CADM2: variants seen among roughly 807,000 people sequenced by gnomAD.
CADM2 encodes the protein immunoglobulin superfamily member 4D.
A neutral mutation model predicts 49.8 loss-of-function variants in CADM2; 12 were observed. That is an observed-to-expected ratio of 0.24 (90% confidence interval 0.15 to 0.39). CADM2 has a LOEUF of 0.39. CADM2 is among the 10% of genes least tolerant of loss of function. CADM2 has a pLI of 1.00. For missense variants in CADM2, 378 were observed against 492.3 expected, an observed-to-expected ratio of 0.77 and a Z score of 2.20; for synonymous variants, 214 against 175.4, an observed-to-expected ratio of 1.22 and a Z score of -1.74.
intron 1 of CADM2, among the ~76,000 whole-genome samples, chr3:85,462,781 G>A: frequency 6.6e-6 from 1 of 152,248 alleles, no homozygotes; most frequent in Non-Finnish European, 1.5e-5. Context: ...GAACTTTACT[G>A]TCTTTGGTAT....
At chr3:85,062,798 T>C (rs1382663308) in intron 1 of CADM2, among the ~76,000 whole-genome samples, 4 of 152,106 alleles carry the variant, frequency 2.6e-5, no homozygotes, top group Admixed American at 2.0e-4. Context: ...CTAATGATGA[T>C]TATACTAGTG....
intron 1 of CADM2, among the ~76,000 whole-genome samples, chr3:85,215,608 C>A (rs1047969094): frequency 4.6e-5 from 7 of 151,932 alleles, no homozygotes; most frequent in Admixed American, 4.6e-4. Context: ...GTCAGATGCA[C>A]CCCTAGTCCC....
At chr3:85,610,048 C>T (rs140646495) in intron 1 of CADM2, among the ~76,000 whole-genome samples, 20 of 151,632 alleles carry the variant, frequency 1.3e-4, no homozygotes, top group African/African-American at 4.4e-4. Flanking sequence ...AATTATTTCA[C>T]GATGGTAAAA....
chr3:85,188,300 A>T (rs2107717682), intron 1 of CADM2, among the ~76,000 whole-genome samples: 1 of 152,270 alleles, frequency 6.6e-6, no homozygotes, highest in South Asian at 2.1e-4. Context: ...GATACAAGAT[A>T]AGCCTTTTCA....
intron 1 of CADM2, among the ~76,000 whole-genome samples, chr3:85,341,815 T>C (rs935341458): frequency 2.6e-5 from 4 of 152,094 alleles, no homozygotes; most frequent in African/African-American, 9.6e-5. Flanking sequence ...ATAGAATTTA[T>C]TGAATATCAT....
chr3:85,526,806 AT>A (rs1452134021), intron 1 of CADM2, among the ~76,000 whole-genome samples: 1 of 152,184 alleles, frequency 6.6e-6, no homozygotes, highest in African/African-American at 2.4e-5. Flanking sequence ...AATTTACCCT[AT>A]CAAAACTAAA....
chr3:85,425,283 A>G (rs1440377167), intron 1 of CADM2, among the ~76,000 whole-genome samples: 1 of 152,220 alleles, frequency 6.6e-6, no homozygotes, highest in Non-Finnish European at 1.5e-5. Flanking sequence ...TGGGAACGGT[A>G]ATGGTTAGTC....
intron 1 of CADM2, among the ~76,000 whole-genome samples, chr3:85,328,735 C>A (rs1450063393): frequency 6.6e-6 from 1 of 152,116 alleles, no homozygotes; most frequent in Admixed American, 6.5e-5. Context: ...AGATAGACTG[C>A]ACCTTGAAAA....
intron 3 of CADM2, among the ~76,000 whole-genome samples, chr3:85,835,814 T>G (rs1490784220): frequency 6.7e-6 from 1 of 149,586 alleles, no homozygotes; most frequent in African/African-American, 2.4e-5. Context: ...ATAGACTGAT[T>G]TTATTATATT....
rs967319666 is a variant in CADM2, at chr3:86,068,709, G to A, written c.*1926G>A. ...AAAGAAAAAGGACGATGTCAGTCAA[G>A]CAGCACTTTTTCAGAATATACAGAA... On this transcript the variant is annotated 3_prime_UTR_variant, in exon 10 of 10. Transcript: ENST00000383699. 1.3e-5 allele frequency: 2 copies of A among 152,270 alleles called. No individual in the cohort carries two copies. The highest frequency in any genetic ancestry group is 2.1e-4 in the South Asian group (1 of 4,824). 9.4% of individuals were successfully genotyped at this position (152,270 alleles called of 1,614,324 possible).
intron 1 of CADM2, among the ~76,000 whole-genome samples, chr3:85,470,835 T>C (rs1400731506): frequency 6.6e-6 from 1 of 152,148 alleles, no homozygotes; most frequent in Non-Finnish European, 1.5e-5. Flanking sequence ...CATTTATCTC[T>C]CAAAGTTCAA....
intron 1 of CADM2, among the ~76,000 whole-genome samples, chr3:85,308,340 C>CACACACACACACAA (rs762259586): frequency 6.7e-6 from 1 of 149,134 alleles, no homozygotes; most frequent in African/African-American, 2.5e-5. Context: ...CACACACACA[C>CACACACACACACAA]AACACTCCAT....
At chr3:85,204,267 C>G (rs555380567) in intron 1 of CADM2, among the ~76,000 whole-genome samples, 6 of 151,788 alleles carry the variant, frequency 4.0e-5, no homozygotes, top group Non-Finnish European at 8.8e-5. Flanking sequence ...TTTTAGTAAC[C>G]TATTTTGATT....
At chr3:85,485,166 C>T (rs188205674) in intron 1 of CADM2, among the ~76,000 whole-genome samples, 5 of 151,556 alleles carry the variant, frequency 3.3e-5, no homozygotes, top group Admixed American at 3.3e-4. Context: ...AATTCCATCA[C>T]AAGTTTAGGT....
chr3:86,054,264 T>C (rs887103704), intron 8 of CADM2, among the ~76,000 whole-genome samples: 1 of 152,120 alleles, frequency 6.6e-6, no homozygotes, highest in Non-Finnish European at 1.5e-5. Context: ...TTATCATTTA[T>C]AGTGGTTTTT....
intron 1 of CADM2, among the ~76,000 whole-genome samples, chr3:85,444,465 A>C (rs1409105303): frequency 1.3e-5 from 2 of 151,502 alleles, no homozygotes; most frequent in Non-Finnish European, 2.9e-5. Flanking sequence ...ACACACACAC[A>C]CACCCTTGCC....
intron 3 of CADM2, among the ~76,000 whole-genome samples, chr3:85,809,790 C>CTT (rs542554365): frequency 0.078 from 7,693 of 98,896 alleles, 851 homozygotes; most frequent in South Asian, 0.12. Context: ...CTCTCTCTCT[C>CTT]TCTTTCTTTC....
At chr3:85,460,458 TC>T (rs1373213773) in intron 1 of CADM2, among the ~76,000 whole-genome samples, 2 of 152,174 alleles carry the variant, frequency 1.3e-5, no homozygotes, top group African/African-American at 2.4e-5. Flanking sequence ...TAAACTGCCT[TC>T]CTTGCATTTC....
At chr3:85,749,816 T>TATCCCTAA (rs1408244184) in intron 2 of CADM2, among the ~76,000 whole-genome samples, 1 of 152,086 alleles carries the variant, frequency 6.6e-6, no homozygotes. Flanking sequence ...AACATTTGCC[T>TATCCCTAA]ATCCCTAAAT....
Sources: gnomAD v4.1 joint callset for allele counts (sites outside exome capture counted in the v4.1 genomes callset) on GRCh38, gnomAD v4.1.1 for gene constraint, MANE v1.5 for transcripts, NCBI Gene and HGNC (gene_info 2026-07-23, HGNC 2026-07-21) for gene names.